Variants in TFAP2A observed in about 807,000 individuals in gnomAD.
TFAP2A encodes transcription factor AP-2 alpha, also known as transcription factor AP-2-alpha.
Under a neutral mutation model 41.5 loss-of-function variants are expected in TFAP2A, and 7 were observed. That is an observed-to-expected ratio of 0.17 (90% confidence interval 0.10 to 0.32). The LOEUF (loss-of-function observed/expected upper bound fraction) is 0.32. TFAP2A is among the 10% of genes least tolerant of loss of function. The pLI is 1.00. For missense variants in TFAP2A, 416 were observed against 563.3 expected (o/e 0.74, Z 2.65); for synonymous variants, 247 against 242.8 (o/e 1.02, Z -0.16).
rs1360748940 is a variant in TFAP2A at position 10,410,198 on chromosome 6, G to A, written c.189C>T (p.Pro63=). The change falls in exon 2 of 7, where the codon CCC becomes CCT. Residue 63 remains proline (P), a synonymous_variant. Transcript: ENST00000379613. ...ADFQPPYFPP[P]YQPIYPQSQD... ...GCGACTGGGGGTAGATAGGCTGGTA[G>A]GGTGGGGGGAAGTATGGGGGCTGGA... The A allele has an allele frequency of 1.2e-5, 18 of 1,481,422 alleles. No individual in the cohort carries two copies. The African/African-American group carries it at 2.0e-4, about 17-fold the overall frequency. The allele number at this position is 1,481,422 out of a possible 1,614,324, so 91.8% of individuals were successfully genotyped here.
chr6:10,400,559 C>T lies in TFAP2A; in HGVS notation c.920G>A (p.Gly307Glu). The change falls in exon 6 of 7, where the codon GGG (glycine) becomes GAG (glutamate). Residue 307 changes from glycine (G) to glutamate (E), a missense_variant. Physicochemically the swap from Gly to Glu is moderately conservative, Grantham distance 98. This residue lies in a region of TFAP2A where 59 missense variants were observed against 135.4 expected (regional missense o/e 0.44). Transcript: ENST00000379613. ...AGGAAATTCGGTTTCGCACACGTACCCAAAGTCCCTGGCTAGGTGGACAGC... is the reference window on the plus strand; with the variant it reads ...AGGAAATTCGGTTTCGCACACGTACTCAAAGTCCCTGGCTAGGTGGACAGC... The part of the protein sequence containing the change: ...GEAVHLARDF[G>E]YVCETEFPAK... 1 of 1,614,072 alleles carries T rather than the reference C, an allele frequency of 6.2e-7. No homozygotes were observed. Among genetic ancestry groups the T allele is most frequent in the Non-Finnish European group, 8.5e-7 (1 of 1,180,014 alleles).
intron 1 of TFAP2A, chr6:10,411,480 G>A: frequency 6.2e-7 from 1 of 1,607,516 alleles, no homozygotes; most frequent in East Asian, 2.2e-5. Flanking sequence ...AGCTGGGCGT[G>A]AAACCCGAGG....
chr6:10,412,392 G>C (rs1362083229), intron 1 of TFAP2A: 1 of 678,718 alleles, frequency 1.5e-6, no homozygotes, highest in Non-Finnish European at 1.8e-6. Context: ...AAGAAAGTGT[G>C]GGCGAGGGAG....
chr6:10,404,627 C>T lies in TFAP2A; in HGVS notation c.651G>A (p.Pro217=), dbSNP rs2114014584. Residue 217 remains proline (P), a synonymous_variant, in exon 4 of 7, where the codon CCG becomes CCA. Transcript: ENST00000379613. ...VNPNEVFCSV[P]GRLSLLSSTS... Reference sequence around the variant, plus strand: ...TGGAGCTGAGGAGCGAGAGGCGACCCGGAACTGAACAGAAGACTTCGTTGG... The same window carrying T: ...TGGAGCTGAGGAGCGAGAGGCGACCTGGAACTGAACAGAAGACTTCGTTGG... The T allele has an allele frequency of 6.2e-7, 1 of 1,614,188 alleles. No homozygotes were observed. Among genetic ancestry groups the T allele is most frequent in the Non-Finnish European group, 8.5e-7 (1 of 1,180,026 alleles).
At chr6:10,412,794 T>TGCCCGGGACCG (rs1758052079) in intron 1 of TFAP2A, 3 of 199,986 alleles carry the variant, frequency 1.5e-5, no homozygotes, top group Non-Finnish European at 3.1e-5. Context: ...CCCGGCGCCC[T>TGCCCGGGACCG]GCCCGGGACC....
chr6:10,397,805 T>C lies in TFAP2A; in HGVS notation c.*612A>G, dbSNP rs1294989605. 4.1e-6 allele frequency: 4 copies of C among 978,794 alleles called. No homozygotes were observed. Among genetic ancestry groups the C allele is most frequent in the Middle Eastern group, 5.2e-4 (1 of 1,934 alleles). 60.6% of individuals were successfully genotyped at this position (978,794 alleles called of 1,614,324 possible). ...CAGAGAAAGTTCAAGTTGGTCGCTT[T>C]ACCTTAAAGAGGAAAAACTTCTACA... is the stretch of plus-strand genomic sequence containing the variant. On this transcript the variant is annotated 3_prime_UTR_variant, in exon 7 of 7. Coordinates refer to ENST00000379613, the MANE Select transcript of TFAP2A (RefSeq NM_001372066.1).
At chr6:10,413,171 A>G (rs1758075812) in intron 1 of TFAP2A, among the ~76,000 whole-genome samples, 1 of 152,194 alleles carries the variant, frequency 6.6e-6, no homozygotes, top group African/African-American at 2.4e-5. Context: ...CGGCACAATC[A>G]GACTGCCCCA....
chr6:10,397,821 A>C lies in TFAP2A; in HGVS notation c.*596T>G, dbSNP rs749647128. On this transcript the variant is annotated 3_prime_UTR_variant, in exon 7 of 7. Coordinates refer to ENST00000379613, the MANE Select transcript of TFAP2A (RefSeq NM_001372066.1). The stretch of plus-strand genomic sequence containing the variant: ...TGGTCGCTTTACCTTAAAGAGGAAA[A>C]ACTTCTACAACTGAAGACATGACAT... 2.0e-6 allele frequency: 2 copies of C among 985,734 alleles called. No homozygotes were observed. The highest frequency in any genetic ancestry group is 2.4e-6 in the Non-Finnish European group (2 of 829,878). The allele number at this position is 985,734 out of a possible 1,614,324, so 61.1% of individuals were successfully genotyped here.
intron 1 of TFAP2A, chr6:10,410,991 TAGAA>T (rs1024947969): frequency 4.5e-5 from 7 of 153,940 alleles, no homozygotes; most frequent in African/African-American, 1.0e-4. Flanking sequence ...AGGTTTAAAA[TAGAA>T]AGATTCAGCC....
intron 1 of TFAP2A, 82 bp from the exon 2 acceptor site, chr6:10,410,417 G>C: frequency 7.1e-7 from 1 of 1,418,134 alleles, no homozygotes; most frequent in Non-Finnish European, 9.7e-7. Flanking sequence ...CACTTGACAA[G>C]TCTGCGTGGG....
upstream of TFAP2A, chr6:10,418,654 C>T (rs1347764657): frequency 6.6e-6 from 1 of 152,360 alleles, no homozygotes. Flanking sequence ...GGACAGGAGC[C>T]AAGCCTTGGA....
rs765634102 is a variant in TFAP2A at position 10,398,699 on chromosome 6, T to C, written c.1038A>G (p.Ile346Met). The change falls in exon 7 of 7, where the codon ATA becomes ATG. Residue 346 changes from isoleucine to methionine, a missense_variant. By Grantham distance (10) the Ile-to-Met change is conservative (BLOSUM62 1). Transcript: ENST00000379613. The surrounding 1 kb of genome is among the most constrained non-coding windows in gnomAD (Gnocchi z 5.3). ...RKNMLLATKQICKEFTDLLAQ... is the reference protein window; with the variant it reads ...RKNMLLATKQMCKEFTDLLAQ... ...CCAGCAGGTCGGTGAACTCTTTGCATATCTGTCTGCAGCACAAGTGGAGCA... is the reference window on the plus strand; with the variant it reads ...CCAGCAGGTCGGTGAACTCTTTGCACATCTGTCTGCAGCACAAGTGGAGCA... 1 of 1,614,010 alleles carries C rather than the reference T, an allele frequency of 6.2e-7. No individual in the cohort carries two copies. Among genetic ancestry groups the C allele is most frequent in the South Asian group, 1.1e-5 (1 of 91,080 alleles).
chr6:10,406,829 C>T lies in TFAP2A; in HGVS notation c.502G>A (p.Gly168Ser), dbSNP rs1449365849. Residue 168 changes from glycine (G) to serine (S), a missense_variant, in exon 3 of 7, where the codon GGT becomes AGT. By Grantham distance (56) the Gly-to-Ser change is moderately conservative. Transcript: ENST00000379613. ...IEEVPHVEDP[G>S]INIPDQTVIK... Reference sequence around the variant, plus strand: ...ACAGTTTGATCTGGGATGTTAATACCCGGGTCTTCTACATGCTGCAACAAA... The same window carrying T: ...ACAGTTTGATCTGGGATGTTAATACTCGGGTCTTCTACATGCTGCAACAAA... 8.1e-6 allele frequency: 13 copies of T among 1,613,452 alleles called. No homozygotes were observed. The highest frequency in any genetic ancestry group is 4.4e-5 in the South Asian group (4 of 91,072).
intron 2 of TFAP2A, among the ~76,000 whole-genome samples, chr6:10,408,642 A>C (rs370991574): frequency 1.6e-4 from 24 of 152,368 alleles, no homozygotes; most frequent in African/African-American, 5.3e-4. Context: ...ATACAGACAT[A>C]CAGTGCTCAC....
intron 1 of TFAP2A, chr6:10,414,549 T>C (rs969419385): frequency 1.1e-5 from 4 of 378,266 alleles, no homozygotes; most frequent in Non-Finnish European, 2.0e-5. Flanking sequence ...AAAAGAGTTT[T>C]CTCTTTCCTT....
chr6:10,418,731 C>A (rs1435848668), upstream of TFAP2A: 4 of 152,732 alleles, frequency 2.6e-5, no homozygotes, highest in Non-Finnish European at 5.9e-5. Context: ...AAATTCACCA[C>A]CCCCCTGCCT....
chr6:10,405,349 C>T (rs936019219), intron 3 of TFAP2A: 2 of 152,280 alleles, frequency 1.3e-5, no homozygotes, highest in Admixed American at 1.3e-4. Flanking sequence ...GATAAATAGG[C>T]CCTTTCCTAT....
intron 3 of TFAP2A, chr6:10,405,000 C>G: frequency 1.8e-6 from 1 of 565,440 alleles, no homozygotes; most frequent in Non-Finnish European, 3.2e-6. Flanking sequence ...GACCCTTTCC[C>G]CTTCGCCGTC....
upstream of TFAP2A, chr6:10,415,516 C>G (rs1243131650): frequency 4.4e-6 from 1 of 225,110 alleles, no homozygotes; most frequent in East Asian, 1.1e-4. Flanking sequence ...GCCACATTCC[C>G]CTTCCTTTCT....
Sources: gnomAD v4.1 joint callset for allele counts (sites outside exome capture counted in the v4.1 genomes callset) on GRCh38, gnomAD v4.1.1 for gene constraint, gnomAD v4.1.1 regional missense constraint, Gnocchi (gnomAD v3.1) non-coding constraint, MANE v1.5 for transcripts, NCBI Gene and HGNC (gene_info 2026-07-23, HGNC 2026-07-21) for gene names.